Variants in STS observed in about 807,000 individuals in gnomAD.
STS encodes steroid sulfatase.
A neutral mutation model predicts 26.8 loss-of-function variants in STS; 7 were observed. That is an observed-to-expected ratio of 0.26 (90% CI 0.15 to 0.49). The LOEUF is 0.49. STS is among the 20% of genes least tolerant of loss of function. The probability of loss-of-function intolerance (pLI) is 0.98; values close to 1 mark genes in which losing one functional copy is unlikely to be tolerated. For synonymous variants in STS, 199 were observed against 189.4 expected, an observed-to-expected ratio of 1.05 and a Z score of -0.42; for missense variants, 434 against 465.6, an observed-to-expected ratio of 0.93 and a Z score of 0.63.
At chrX:7,226,813 T>G (rs750757414) in intron 2 of STS, among the ~76,000 whole-genome samples, 7 of 111,578 alleles carry the variant, frequency 6.3e-5, no homozygotes, top group Non-Finnish European at 1.3e-4. Flanking sequence ...GAGGATTGCT[T>G]CAACCCAGGA....
intron 10 of STS, among the ~76,000 whole-genome samples, chrX:7,348,889 T>A (rs1928641844): frequency 8.9e-6 from 1 of 112,037 alleles, no homozygotes; most frequent in Admixed American, 9.4e-5. Context: ...CAAAAGATCA[T>A]TTCCATTCCC....
intron 10 of STS, among the ~76,000 whole-genome samples, chrX:7,345,658 G>A (rs893558191): frequency 3.6e-5 from 4 of 111,110 alleles, no homozygotes; most frequent in Admixed American, 1.9e-4. Context: ...CAAAACTCCT[G>A]ATGGGCTTTT....
At position 7,154,984 on chromosome X, in the gene STS, C is replaced by A. The variant is rs191012666; in HGVS notation, c.-134+6901C>A. On this transcript the variant is annotated intron_variant, in intron 1 of 10. Transcript: ENST00000674429. ...CCTTTATTTTACTTGCACCCAACTCCTGTGCTGCTTGGTGCAAGCTAACAT... is the reference window on the plus strand; with the variant it reads ...CCTTTATTTTACTTGCACCCAACTCATGTGCTGCTTGGTGCAAGCTAACAT... Among the ~76,000 whole-genome samples, 12 of 112,246 alleles carry A rather than the reference C, an allele frequency of 1.1e-4. No individual in the cohort carries two copies. In the Admixed American group the frequency reaches 1.1e-3, roughly 11 times the overall value.
At chrX:7,166,766 A>G (rs1422313368) in intron 1 of STS, among the ~76,000 whole-genome samples, 1 of 111,693 alleles carries the variant, frequency 9.0e-6, no homozygotes, top group East Asian at 2.8e-4. Flanking sequence ...ATATGTGGGA[A>G]GTTCATAGAA....
chrX:7,280,287 C>T (rs1224445531), intron 7 of STS, among the ~76,000 whole-genome samples: 1 of 111,461 alleles, frequency 9.0e-6, no homozygotes, highest in Non-Finnish European at 1.9e-5. Context: ...TATAACAACT[C>T]AGGGCAGAAA....
Position 7,281,570 on chromosome X carries a change from C to T in STS, c.943+5483C>T, listed in dbSNP as rs184119354. Among the ~76,000 whole-genome samples the T allele has an allele frequency of 2.7e-5, 3 of 111,960 alleles. No homozygotes were observed. In the East Asian group the frequency reaches 8.5e-4, roughly 32 times the overall value. ...CTGACATTTAGTCAGTCATGTGCAA[C>T]TCAATGTAGCAGCAAGGGCCATGCA... On this transcript the variant is annotated intron_variant, in intron 7 of 10. Transcript: ENST00000674429.
At chrX:7,299,085 A>C (rs1157487364) in intron 7 of STS, among the ~76,000 whole-genome samples, 36 of 95,177 alleles carry the variant, frequency 3.8e-4, no homozygotes, top group African/African-American at 1.3e-3. Flanking sequence ...ATTATTTTAT[A>C]ATAATTATGT....
chrX:7,236,969 G>C (rs1385094456), intron 2 of STS, among the ~76,000 whole-genome samples: 1 of 109,272 alleles, frequency 9.2e-6, no homozygotes, highest in Non-Finnish European at 1.9e-5. Flanking sequence ...AAAATTGCAT[G>C]TTAAAGGAAA....
intron 1 of STS, among the ~76,000 whole-genome samples, chrX:7,162,929 C>T (rs1933276397): frequency 3.8e-5 from 4 of 103,939 alleles, no homozygotes; most frequent in South Asian, 4.6e-4. Context: ...TGGTGGCGCG[C>T]GCCTGTAATC....
At chrX:7,296,827 G>T (rs1057071976) in intron 7 of STS, among the ~76,000 whole-genome samples, 1 of 112,019 alleles carries the variant, frequency 8.9e-6, no homozygotes, top group South Asian at 3.7e-4. Flanking sequence ...CACACATTAC[G>T]ACTGCCATTA....
At chrX:7,305,608 G>A (rs1222756765) in intron 8 of STS, among the ~76,000 whole-genome samples, 1 of 111,953 alleles carries the variant, frequency 8.9e-6, no homozygotes, top group East Asian at 2.8e-4. Flanking sequence ...TGTCTGTAGG[G>A]CCTTCTACAA....
intron 8 of STS, among the ~76,000 whole-genome samples, chrX:7,314,182 C>T (rs1926607475): frequency 9.0e-6 from 1 of 111,454 alleles, no homozygotes; most frequent in African/African-American, 3.3e-5. Flanking sequence ...TAGTTAGACC[C>T]CATCTCTAAA....
chrX:7,267,794 T>C (rs1197195911), intron 6 of STS, among the ~76,000 whole-genome samples: 1 of 111,880 alleles, frequency 8.9e-6, no homozygotes, highest in Non-Finnish European at 1.9e-5. Flanking sequence ...GTTTATTAAG[T>C]TGTTTCAATA....
intron 2 of STS, among the ~76,000 whole-genome samples, chrX:7,250,294 T>C (rs1923076816): frequency 9.1e-6 from 1 of 109,939 alleles, no homozygotes. Flanking sequence ...TTGCAAGACC[T>C]TTTTGAACTG....
intron 1 of STS, among the ~76,000 whole-genome samples, chrX:7,161,054 C>G (rs746309546): frequency 9.0e-6 from 1 of 111,437 alleles, no homozygotes; most frequent in East Asian, 2.8e-4. Flanking sequence ...CTCCTGGGTT[C>G]CAGCAATTCT....
chrX:7,265,289 C>T (rs367922511), intron 6 of STS, among the ~76,000 whole-genome samples: 8 of 111,636 alleles, frequency 7.2e-5, no homozygotes, highest in South Asian at 7.5e-4. Flanking sequence ...TCTCTCAAAA[C>T]GAGACAAGGT....
chrX:7,298,567 C>A (rs1315153926), intron 7 of STS, among the ~76,000 whole-genome samples: 4 of 111,412 alleles, frequency 3.6e-5, no homozygotes, highest in Admixed American at 1.9e-4. Flanking sequence ...AATTCCCTTT[C>A]TGGGACTAGT....
chrX:7,253,220 A>C lies in STS; in HGVS notation c.21A>C (p.Leu7=), dbSNP rs778403416. 1.7e-6 allele frequency: 2 copies of C among 1,208,914 alleles called. No homozygotes were observed. The highest frequency in any genetic ancestry group is 3.0e-5 in the East Asian group (1 of 33,707). The stretch of plus-strand genomic sequence containing the variant: ...GGAAGATGAAGATCCCTTTCCTCCT[A>C]CTGTTCTTTCTGTGGGAAGCCGAGA... MKIPFL[L]LFFLWEAESH... Residue 7 remains leucine, a synonymous_variant, in exon 3 of 11, where the codon CTA becomes CTC. Coordinates refer to ENST00000674429, the MANE Select transcript of STS (RefSeq NM_001320752.2).
intron 7 of STS, among the ~76,000 whole-genome samples, chrX:7,302,760 G>T (rs1012388223): frequency 2.7e-5 from 3 of 111,758 alleles, no homozygotes; most frequent in Non-Finnish European, 5.6e-5. Flanking sequence ...AAGTGGGTGT[G>T]AGTGCAACCT....
Sources: allele counts gnomAD v4.1 joint callset (sites outside exome capture counted in the v4.1 genomes callset), GRCh38; gene constraint gnomAD v4.1.1; transcripts MANE v1.5; gene names NCBI Gene and HGNC (gene_info 2026-07-23, HGNC 2026-07-21).